Variants in C8orf76 observed in about 807,000 individuals in gnomAD.
The protein encoded by C8orf76 is uncharacterized protein C8orf76.
A neutral mutation model predicts 38.1 loss-of-function variants in C8orf76; 46 were observed. The ratio of observed to expected loss-of-function variants is 1.21; its 90% CI spans 0.95 to 1.54. The LOEUF is 1.54. Among genes scored for constraint, C8orf76 ranks in the 40% most tolerant of loss-of-function variants. The probability of loss-of-function intolerance (pLI) is 0.00; values close to 1 mark genes in which losing one functional copy is unlikely to be tolerated. For synonymous variants in C8orf76, 166 were observed against 167.5 expected (o/e 0.99, Z 0.07); for missense variants, 461 against 441.6 (o/e 1.04, Z -0.39).
chr8:123,239,078 C>G lies in C8orf76; in HGVS notation c.184G>C (p.Asp62His). ...EVLTLKKFKG[D>H]LAYRRQEYQK... ...TACTCTTGTCGTCTGTAGGCCAGGT[C>G]TCCTTTGAATTTCTTGAGAGTCAGC... Residue 62 changes from aspartate (D) to histidine (H), a missense_variant, in exon 2 of 6, where the codon GAC becomes CAC. Physicochemically the swap from Asp to His is moderately conservative, Grantham distance 81. Coordinates refer to ENST00000276704, the MANE Select transcript of C8orf76 (RefSeq NM_032847.3). 2 of 1,614,110 alleles carry G rather than the reference C, an allele frequency of 1.2e-6. No individual in the cohort carries two copies. Among genetic ancestry groups the G allele is most frequent in the Admixed American group, 1.7e-5 (1 of 60,018 alleles).
rs1339061342 is a variant in C8orf76 at position 123,220,082 on chromosome 8, GGTTTT to G, written c.*16_*20del. 6 of 1,456,258 alleles carry G rather than the reference GGTTTT, an allele frequency of 4.1e-6. No individual in the cohort carries two copies. The highest frequency in any genetic ancestry group is 5.7e-6 in the Non-Finnish European group (6 of 1,052,774). 90.2% of individuals were successfully genotyped at this position (1,456,258 alleles called of 1,614,324 possible). The stretch of plus-strand genomic sequence containing the variant: ...AATTAATACAGTACAAGATATTTGT[GGTTTT>G]GTTTTTTATAACCCACTAAGCCAAG... On this transcript the variant is annotated 3_prime_UTR_variant, in exon 6 of 6. Coordinates refer to ENST00000276704, the MANE Select transcript of C8orf76 (RefSeq NM_032847.3).
At chr8:123,232,562 G>A (rs975360543) in intron 3 of C8orf76, among the ~76,000 whole-genome samples, 6 of 152,150 alleles carry the variant, frequency 3.9e-5, no homozygotes, top group African/African-American at 9.7e-5. Context: ...GCCTGCAAGC[G>A]TCCAGATCAG....
Position 123,237,893 on chromosome 8 carries a change from T to C in C8orf76, c.262A>G (p.Asn88Asp). Reference sequence around the variant, plus strand: ...TGGACATCCCTTTTCATGGCAAAATTGGTTGATGACAATTTTTCAGAGATA... The same window carrying C: ...TGGACATCCCTTTTCATGGCAAAATCGGTTGATGACAATTTTTCAGAGATA... ...SSISEKLSSTNFAMKRDVQEG... is the reference protein window; with the variant it reads ...SSISEKLSSTDFAMKRDVQEG... The change falls in exon 3 of 6, where the codon AAT (asparagine) becomes GAT (aspartate). Residue 88 changes from asparagine (N) to aspartate (D), a missense_variant. By Grantham distance (23) the Asn-to-Asp change is conservative. Coordinates refer to ENST00000276704, the MANE Select transcript of C8orf76 (RefSeq NM_032847.3). The C allele has an allele frequency of 6.2e-7, 1 of 1,614,084 alleles. No individual in the cohort carries two copies. The highest frequency in any genetic ancestry group is 8.5e-7 in the Non-Finnish European group (1 of 1,180,008).
chr8:123,229,180 C>T (rs1241021667), intron 4 of C8orf76, among the ~76,000 whole-genome samples: 1 of 152,242 alleles, frequency 6.6e-6, no homozygotes, highest in Admixed American at 6.5e-5. Flanking sequence ...TTTTACCTAG[C>T]ATGCCTCTTC....
chr8:123,241,377 CGG>C (rs771018919), upstream of C8orf76: 2 of 1,524,592 alleles, frequency 1.3e-6, no homozygotes, highest in East Asian at 5.4e-5. Flanking sequence ...AACGAGGAAG[CGG>C]GGCCCGCCGG....
At chr8:123,232,791 C>T (rs1825319810) in intron 3 of C8orf76, among the ~76,000 whole-genome samples, 1 of 152,198 alleles carries the variant, frequency 6.6e-6, no homozygotes, top group Non-Finnish European at 1.5e-5. Context: ...TATTGTTCAG[C>T]ATCTGTCCTT....
intron 5 of C8orf76, among the ~76,000 whole-genome samples, chr8:123,225,849 C>G (rs1259103304): frequency 1.3e-5 from 2 of 151,620 alleles, no homozygotes; most frequent in Non-Finnish European, 1.5e-5. Context: ...CGCTTGAACC[C>G]AAGAGGTAGA....
intron 1 of C8orf76, among the ~76,000 whole-genome samples, chr8:123,240,291 C>T (rs983903605): frequency 6.6e-6 from 1 of 152,012 alleles, no homozygotes; most frequent in African/African-American, 2.4e-5. Context: ...CTACATGATC[C>T]AGGGCTGAAG....
At chr8:123,231,906 T>C (rs992406933) in intron 3 of C8orf76, 149 bp from the exon 4 acceptor site, 2 of 868,940 alleles carry the variant, frequency 2.3e-6, no homozygotes, top group Non-Finnish European at 3.3e-6. Context: ...TTTCAATATA[T>C]CTCATGTTTG....
At chr8:123,232,507 G>A (rs1247123402) in intron 3 of C8orf76, among the ~76,000 whole-genome samples, 1 of 152,236 alleles carries the variant, frequency 6.6e-6, no homozygotes, top group African/African-American at 2.4e-5. Context: ...GCAGATGGCA[G>A]ACTCAAATTA....
Position 123,231,691 on chromosome 8 carries a change from T to G in C8orf76, c.424A>C (p.Ser142Arg). 1.2e-6 allele frequency: 2 copies of G among 1,613,826 alleles called. No individual in the cohort carries two copies. The highest frequency in any genetic ancestry group is 1.7e-6 in the Non-Finnish European group (2 of 1,180,026). ...VLYLQLAICSSLQNLEKTIFC... is the reference protein window; with the variant it reads ...VLYLQLAICSRLQNLEKTIFC... ...ATTGTTTTCTCCAAGTTCTGCAAAC[T>G]TGAACAAATAGCAAGCTGGAGGTAG... The change falls in exon 4 of 6, where the codon AGT becomes CGT. Residue 142 changes from serine to arginine, a missense_variant. By Grantham distance (110) the Ser-to-Arg change is moderately radical. Coordinates refer to ENST00000276704, the MANE Select transcript of C8orf76 (RefSeq NM_032847.3).
chr8:123,233,351 T>C (rs886879757), intron 3 of C8orf76, among the ~76,000 whole-genome samples: 1 of 151,856 alleles, frequency 6.6e-6, no homozygotes, highest in Non-Finnish European at 1.5e-5. Flanking sequence ...AAAGCAAGTG[T>C]GTGTTAGGGT....
chr8:123,236,586 C>T (rs928879044), intron 3 of C8orf76, among the ~76,000 whole-genome samples: 6 of 152,018 alleles, frequency 3.9e-5, no homozygotes, highest in African/African-American at 1.4e-4. Context: ...CAGTTTGAGA[C>T]CAGCCTGACC....
At chr8:123,221,178 T>C (rs1190541622) in intron 5 of C8orf76, among the ~76,000 whole-genome samples, 2 of 152,200 alleles carry the variant, frequency 1.3e-5, no homozygotes, top group Admixed American at 1.3e-4. Flanking sequence ...GATTACATAT[T>C]GTTTGAGGAA....
chr8:123,230,838 CAG>C (rs1037833648), intron 4 of C8orf76, among the ~76,000 whole-genome samples: 9 of 152,138 alleles, frequency 5.9e-5, no homozygotes, highest in African/African-American at 2.2e-4. Context: ...TTAGTAGAGA[CAG>C]GGTTTCACCA....
At chr8:123,225,727 G>C (rs1825022472) in intron 5 of C8orf76, among the ~76,000 whole-genome samples, 2 of 152,102 alleles carry the variant, frequency 1.3e-5, no homozygotes, top group African/African-American at 4.8e-5. Flanking sequence ...AGGAGTTCAA[G>C]ACAGACTGGC....
At chr8:123,233,123 C>T (rs974144825) in intron 3 of C8orf76, among the ~76,000 whole-genome samples, 1 of 151,936 alleles carries the variant, frequency 6.6e-6, no homozygotes, top group Non-Finnish European at 1.5e-5. Context: ...CTGGTTCAAG[C>T]AATCCTCCTG....
intron 2 of C8orf76, 171 bp downstream of exon 2, chr8:123,238,876 TAC>T: frequency 3.4e-6 from 2 of 596,732 alleles, no homozygotes; most frequent in South Asian, 2.1e-5. Flanking sequence ...AAACAAATCA[TAC>T]AGAGCCAAGC....
At position 123,220,213 on chromosome 8, in the gene C8orf76, A is replaced by C. The variant is rs757108642; in HGVS notation, c.1033T>G (p.Leu345Val). The C allele has an allele frequency of 6.2e-7, 1 of 1,613,954 alleles. No homozygotes were observed. Among genetic ancestry groups the C allele is most frequent in the Admixed American group, 1.7e-5 (1 of 60,018 alleles). The change falls in exon 6 of 6, where the codon TTG becomes GTG. Residue 345 changes from leucine to valine, a missense_variant. Transcript: ENST00000276704. ...AATTCTTCTGAGGATACAGTCACCA[A>C]GGCAGTCAGGGCTACGGAGCCAACA... ...KCVGSVALTA[L>V]VTVSSEEFED...
Sources: allele counts gnomAD v4.1 joint callset (sites outside exome capture counted in the v4.1 genomes callset), GRCh38; gene constraint gnomAD v4.1.1; transcripts MANE v1.5; gene names NCBI Gene and HGNC (gene_info 2026-07-23, HGNC 2026-07-21).